SLC24A3: variants seen among roughly 807,000 people sequenced by gnomAD.
The protein encoded by SLC24A3 is solute carrier family 24 member 3, also known as sodium/potassium/calcium exchanger 3.
SLC24A3 carries 28 observed loss-of-function variants against 75.8 expected under a neutral mutation model. The ratio of observed to expected loss-of-function variants is 0.37; its 90% CI spans 0.27 to 0.51. The LOEUF (loss-of-function observed/expected upper bound fraction) is 0.51, where lower values mean the gene tolerates loss of function less well. Among genes scored for constraint, SLC24A3 ranks in the 20% least tolerant of loss-of-function variants. The probability of loss-of-function intolerance (pLI) is 0.94; values close to 1 mark genes in which losing one functional copy is unlikely to be tolerated. For missense variants in SLC24A3, 663 were observed against 847.8 expected, an observed-to-expected ratio of 0.78 and a Z score of 2.71; for synonymous variants, 372 against 334.1, an observed-to-expected ratio of 1.11 and a Z score of -1.24.
chr20:19,568,040 A>G (rs1430825036), intron 3 of SLC24A3, among the ~76,000 whole-genome samples: 1 of 152,254 alleles, frequency 6.6e-6, no homozygotes, highest in Non-Finnish European at 1.5e-5. Context: ...AAAGATGCTC[A>G]AAATCAGTAA....
At chr20:19,553,795 AC>A (rs1234521915) in intron 3 of SLC24A3, among the ~76,000 whole-genome samples, 1 of 152,072 alleles carries the variant, frequency 6.6e-6, no homozygotes, top group African/African-American at 2.4e-5. Context: ...TCCAAAATGT[AC>A]CCCAGGGGAA....
intron 2 of SLC24A3, among the ~76,000 whole-genome samples, chr20:19,470,366 G>A (rs1600242851): frequency 6.6e-6 from 1 of 152,236 alleles, no homozygotes; most frequent in South Asian, 2.1e-4. Context: ...GGATTTTAGG[G>A]CCAACTTTTT....
intron 8 of SLC24A3, among the ~76,000 whole-genome samples, chr20:19,666,445 G>A (rs1228961513): frequency 1.3e-5 from 2 of 152,016 alleles, no homozygotes; most frequent in East Asian, 1.9e-4. Context: ...GGTGGAGCTT[G>A]CAGTGAGCCA....
chr20:19,439,015 G>C (rs1318993526), intron 2 of SLC24A3, among the ~76,000 whole-genome samples: 1 of 152,264 alleles, frequency 6.6e-6, no homozygotes, highest in African/African-American at 2.4e-5. Flanking sequence ...GCCTTTGGCT[G>C]TGGCTTTCTG....
chr20:19,286,303 A>G (rs1397100490), intron 2 of SLC24A3, among the ~76,000 whole-genome samples: 2 of 152,108 alleles, frequency 1.3e-5, no homozygotes, highest in African/African-American at 4.8e-5. Context: ...TCTATATGAG[A>G]GAAGCAACAG....
chr20:19,703,484 CA>C (rs1482814691), intron 15 of SLC24A3, among the ~76,000 whole-genome samples: 9 of 152,202 alleles, frequency 5.9e-5, no homozygotes, highest in African/African-American at 2.2e-4. Flanking sequence ...TCAACTGCAG[CA>C]GCAAGCAATC....
chr20:19,295,268 C>T (rs1984032737), intron 2 of SLC24A3, among the ~76,000 whole-genome samples: 2 of 152,246 alleles, frequency 1.3e-5, no homozygotes, highest in South Asian at 4.1e-4. Flanking sequence ...GGGCTGAGAC[C>T]ATGGGGTTTT....
intron 6 of SLC24A3, among the ~76,000 whole-genome samples, chr20:19,634,364 A>G (rs2031974074): frequency 6.6e-6 from 1 of 152,114 alleles, no homozygotes; most frequent in African/African-American, 2.4e-5. Context: ...CGGCCACCAG[A>G]AATTCTGCTG....
intron 2 of SLC24A3, among the ~76,000 whole-genome samples, chr20:19,389,135 A>G (rs1274195670): frequency 6.6e-6 from 1 of 151,874 alleles, no homozygotes; most frequent in Non-Finnish European, 1.5e-5. Flanking sequence ...CTTCCCCCCA[A>G]ACTTTGTGTT....
chr20:19,363,817 TC>T (rs1358324564), intron 2 of SLC24A3, among the ~76,000 whole-genome samples: 1 of 152,170 alleles, frequency 6.6e-6, no homozygotes, highest in Non-Finnish European at 1.5e-5. Context: ...GAAAAATAGT[TC>T]CTGCAGAATG....
At chr20:19,634,487 A>G (rs1410520594) in intron 6 of SLC24A3, among the ~76,000 whole-genome samples, 1 of 152,210 alleles carries the variant, frequency 6.6e-6, no homozygotes. Context: ...TATCAGTTTT[A>G]ATAATAATAA....
chr20:19,520,299 A>G (rs114201925), intron 3 of SLC24A3, among the ~76,000 whole-genome samples: 1,633 of 152,242 alleles, frequency 0.011, 40 homozygotes, highest in African/African-American at 0.038. Flanking sequence ...GTCCCATAGG[A>G]AACTTGGGAA....
intron 1 of SLC24A3, among the ~76,000 whole-genome samples, chr20:19,270,195 A>T (rs1262716850): frequency 1.1e-4 from 16 of 152,084 alleles, no homozygotes; most frequent in Non-Finnish European, 4.4e-5. Context: ...GTGTGTGTAC[A>T]TTCACTTAAA....
At chr20:19,400,738 C>T (rs1986537357) in intron 2 of SLC24A3, among the ~76,000 whole-genome samples, 1 of 152,172 alleles carries the variant, frequency 6.6e-6, no homozygotes, top group Non-Finnish European at 1.5e-5. Context: ...TGTTTCCCTC[C>T]CCATGCTGCA....
chr20:19,329,117 A>T (rs576416975), intron 2 of SLC24A3, among the ~76,000 whole-genome samples: 3 of 152,324 alleles, frequency 2.0e-5, no homozygotes, highest in Middle Eastern at 6.8e-3. Context: ...TAATGGGTCC[A>T]AAAGAGGATG....
intron 1 of SLC24A3, among the ~76,000 whole-genome samples, chr20:19,215,501 G>A (rs1246608964): frequency 6.6e-6 from 1 of 152,070 alleles, no homozygotes; most frequent in Non-Finnish European, 1.5e-5. Context: ...TAGTCACCTT[G>A]AAAGCCATGC....
intron 2 of SLC24A3, among the ~76,000 whole-genome samples, chr20:19,463,866 A>G (rs932568294): frequency 6.6e-6 from 1 of 152,166 alleles, no homozygotes; most frequent in Admixed American, 6.5e-5. Flanking sequence ...CTTGTCACCT[A>G]CAGGGCTTTC....
intron 11 of SLC24A3, among the ~76,000 whole-genome samples, chr20:19,684,713 A>C (rs1469099820): frequency 6.6e-6 from 1 of 152,218 alleles, no homozygotes; most frequent in Non-Finnish European, 1.5e-5. Flanking sequence ...TTTGCTGTGC[A>C]TTCCTTTTCT....
intron 2 of SLC24A3, chr20:19,283,057 A>G (rs1008572649): frequency 1.3e-5 from 2 of 152,680 alleles, no homozygotes; most frequent in African/African-American, 4.8e-5. Context: ...TATGGGAGGA[A>G]GCAAAAGCAA....
Sources: allele counts gnomAD v4.1 joint callset (sites outside exome capture counted in the v4.1 genomes callset), GRCh38; gene constraint gnomAD v4.1.1; transcripts MANE v1.5; gene names NCBI Gene and HGNC (gene_info 2026-07-23, HGNC 2026-07-21).